SESTD1: variants seen among roughly 807,000 people sequenced by gnomAD.
The protein encoded by SESTD1 is SEC14 domain and spectrin repeat-containing protein 1.
Under a neutral mutation model 101.7 loss-of-function variants are expected in SESTD1, and 43 were observed. That is an observed-to-expected ratio of 0.42 (90% CI 0.33 to 0.55). The LOEUF (loss-of-function observed/expected upper bound fraction) is 0.55, where lower values mean the gene tolerates loss of function less well. Among genes scored for constraint, SESTD1 ranks in the 20% least tolerant of loss-of-function variants. The pLI, the probability that SESTD1 is intolerant of heterozygous loss-of-function variation, is 0.07. For synonymous variants in SESTD1, 283 were observed against 286.8 expected (o/e 0.99, Z 0.13); for missense variants, 647 against 815.1 (o/e 0.79, Z 2.51).
At chr2:179,181,613 T>A (rs1200176931) in intron 3 of SESTD1, among the ~76,000 whole-genome samples, 1 of 152,126 alleles carries the variant, frequency 6.6e-6, no homozygotes, top group Admixed American at 6.6e-5. Context: ...TGGACTCTCA[T>A]CCCAGCTGTG....
intron 1 of SESTD1, among the ~76,000 whole-genome samples, chr2:179,236,926 C>CT (rs34255277): frequency 0.26 from 39,989 of 151,556 alleles, 5,479 homozygotes; most frequent in South Asian, 0.43. Flanking sequence ...CAAGGATCAT[C>CT]TTTTTGGTCA....
At chr2:179,233,303 A>T (rs1458537435) in intron 1 of SESTD1, among the ~76,000 whole-genome samples, 1 of 152,200 alleles carries the variant, frequency 6.6e-6, no homozygotes, top group African/African-American at 2.4e-5. Flanking sequence ...ATATTCTAAG[A>T]TTGAGCAAAT....
At chr2:179,118,843 A>G (rs1024757751) in intron 13 of SESTD1, among the ~76,000 whole-genome samples, 11 of 152,178 alleles carry the variant, frequency 7.2e-5, no homozygotes, top group African/African-American at 2.7e-4. Flanking sequence ...AAAATGTTTT[A>G]TGAGAGTAGG....
chr2:179,180,218 C>T (rs571972320), intron 3 of SESTD1, among the ~76,000 whole-genome samples: 1 of 152,092 alleles, frequency 6.6e-6, no homozygotes, highest in East Asian at 1.9e-4. Context: ...ACACTTTGTC[C>T]CTGTGTTCAT....
intron 1 of SESTD1, among the ~76,000 whole-genome samples, chr2:179,213,611 A>G (rs1387125787): frequency 7.4e-6 from 1 of 135,094 alleles, no homozygotes; most frequent in Non-Finnish European, 1.6e-5. Context: ...CCAACCTGGC[A>G]AGGAGGCCAA....
chr2:179,124,651 C>T lies in SESTD1; in HGVS notation c.973-93G>A. 5 of 1,111,156 alleles carry T rather than the reference C, an allele frequency of 4.5e-6. No individual in the cohort carries two copies. In the South Asian group the frequency reaches 8.7e-5, roughly 19 times the overall value. 68.8% of individuals were successfully genotyped at this position (1,111,156 alleles called of 1,614,324 possible). ...ATTTCTCCAGATAAACTAAGTAATA[C>T]ATGATTTTTTTTTTCTAAGGCAAAA... On this transcript the variant is annotated intron_variant, in intron 10 of 17. Transcript: ENST00000428443.
At chr2:179,237,724 GCATAAAGGGTAACTTCAAAATC>G (rs2047090019) in intron 1 of SESTD1, among the ~76,000 whole-genome samples, 1 of 152,126 alleles carries the variant, frequency 6.6e-6, no homozygotes, top group South Asian at 2.1e-4. Flanking sequence ...AAATATAGAA[GCATAAAGGGTAACTTCAAAATC>G]TGCCCTCAAT....
chr2:179,130,949 A>G (rs530552940), intron 10 of SESTD1, among the ~76,000 whole-genome samples: 1 of 152,248 alleles, frequency 6.6e-6, no homozygotes, highest in East Asian at 1.9e-4. Flanking sequence ...TGATTATTTT[A>G]GTATAAAAGG....
intron 10 of SESTD1, among the ~76,000 whole-genome samples, chr2:179,126,456 T>A (rs1477127063): frequency 6.6e-6 from 1 of 152,156 alleles, no homozygotes; most frequent in Non-Finnish European, 1.5e-5. Flanking sequence ...TTTTTGCACT[T>A]AAAGTTTAGG....
intron 1 of SESTD1, among the ~76,000 whole-genome samples, chr2:179,207,068 G>T (rs1487447683): frequency 7.5e-6 from 1 of 133,018 alleles, no homozygotes; most frequent in African/African-American, 3.0e-5. Context: ...GAGAGTCGGA[G>T]CTCAGACTAG....
intron 9 of SESTD1, among the ~76,000 whole-genome samples, chr2:179,132,782 A>G (rs558351901): frequency 1.3e-5 from 2 of 152,250 alleles, no homozygotes; most frequent in Non-Finnish European, 2.9e-5. Context: ...ATCAGAAATG[A>G]TATCAGTCAA....
At chr2:179,146,904 G>GGT (rs71023470) in intron 7 of SESTD1, among the ~76,000 whole-genome samples, 10,412 of 145,432 alleles carry the variant, frequency 0.072, 528 homozygotes, top group Admixed American at 0.17. Context: ...ATATTCCAGG[G>GGT]GTGTGTGTGT....
chr2:179,197,915 A>C (rs919911818), intron 1 of SESTD1, among the ~76,000 whole-genome samples: 22 of 152,222 alleles, frequency 1.4e-4, no homozygotes, highest in African/African-American at 3.6e-4. Flanking sequence ...CGAGCAAAAT[A>C]ACCAGCTAAC....
chr2:179,199,120 G>A (rs1043730459), intron 1 of SESTD1, among the ~76,000 whole-genome samples: 1 of 151,922 alleles, frequency 6.6e-6, no homozygotes, highest in Non-Finnish European at 1.5e-5. Flanking sequence ...TGATAAAGGG[G>A]AAATCACCAC....
intron 1 of SESTD1, among the ~76,000 whole-genome samples, chr2:179,196,149 G>C (rs767396911): frequency 6.6e-6 from 1 of 152,224 alleles, no homozygotes; most frequent in Admixed American, 6.5e-5. Flanking sequence ...CGCAGGAAGC[G>C]CAAGGGGTCA....
chr2:179,250,982 T>G (rs2047308393), intron 1 of SESTD1, among the ~76,000 whole-genome samples: 1 of 152,174 alleles, frequency 6.6e-6, no homozygotes, highest in African/African-American at 2.4e-5. Context: ...CATGAACATT[T>G]ACAGCAGCTT....
At chr2:179,148,472 T>C (rs2045442899) in intron 7 of SESTD1, among the ~76,000 whole-genome samples, 1 of 152,208 alleles carries the variant, frequency 6.6e-6, no homozygotes, top group Non-Finnish European at 1.5e-5. Context: ...GGTAGTTACA[T>C]TCAGATAATA....
At chr2:179,121,059 AAAGT>A (rs1213171298) in intron 13 of SESTD1, among the ~76,000 whole-genome samples, 1 of 152,144 alleles carries the variant, frequency 6.6e-6, no homozygotes, top group Non-Finnish European at 1.5e-5. Flanking sequence ...TGACAGAATA[AAAGT>A]AAGTTTGCAG....
intron 5 of SESTD1, among the ~76,000 whole-genome samples, chr2:179,170,484 T>C (rs1454165780): frequency 6.6e-6 from 1 of 152,208 alleles, no homozygotes; most frequent in Non-Finnish European, 1.5e-5. Context: ...TGTCCCCGGT[T>C]CCTGGCACAG....
Sources: gnomAD v4.1 joint callset for allele counts (sites outside exome capture counted in the v4.1 genomes callset) on GRCh38, gnomAD v4.1.1 for gene constraint, MANE v1.5 for transcripts, NCBI Gene and HGNC (gene_info 2026-07-23, HGNC 2026-07-21) for gene names.